The following DDX31 variants were observed in gnomAD, a reference collection of about 807,000 sequenced individuals.
The protein encoded by DDX31 is DEAD-box helicase 31.
In DDX31, 70 loss-of-function variants were observed where a neutral mutation model predicts 91.3. The ratio of observed to expected loss-of-function variants is 0.77; its 90% CI spans 0.63 to 0.94. DDX31 has a LOEUF of 0.94. Among genes scored for constraint, DDX31 ranks in the 40% least tolerant of loss-of-function variants. DDX31 has a pLI of 0.00. For synonymous variants in DDX31, 362 were observed against 350.6 expected, an observed-to-expected ratio of 1.03 and a Z score of -0.36; for missense variants, 902 against 925.0, an observed-to-expected ratio of 0.98 and a Z score of 0.32.
intron 19 of DDX31, among the ~76,000 whole-genome samples, chr9:132,604,800 C>T (rs1027376410): frequency 3.3e-5 from 5 of 152,214 alleles, no homozygotes; most frequent in African/African-American, 7.2e-5. Context: ...CTCTGGTCTT[C>T]CAGCAAGGCC....
In DDX31 at chr9:132,652,503, A is replaced by C; in HGVS notation, c.589-11T>G. 6.2e-7 allele frequency: 1 copy of C among 1,614,024 alleles called. No individual in the cohort carries two copies. Among genetic ancestry groups the C allele is most frequent in the Non-Finnish European group, 8.5e-7 (1 of 1,180,006 alleles). On this transcript the variant is annotated splice_polypyrimidine_tract_variant and intron_variant, in intron 6 of 19. Coordinates refer to ENST00000372159, the MANE Select transcript of DDX31 (RefSeq NM_022779.9). ...GGGGCCATCACTGCGCTGTTGACACACAGAAAAAAAATGCCATGAGCAGGA... is the reference window on the plus strand; with the variant it reads ...GGGGCCATCACTGCGCTGTTGACACCCAGAAAAAAAATGCCATGAGCAGGA...
chr9:132,599,846 C>T lies in DDX31; in HGVS notation c.1995-4734G>A, dbSNP rs950829060. Reference sequence around the variant, plus strand: ...GCTAGGCCCTGAAGGTCTCTGCTGACGACGCAAGTCCCCCACATGGGAAGA... The same window carrying T: ...GCTAGGCCCTGAAGGTCTCTGCTGATGACGCAAGTCCCCCACATGGGAAGA... On this transcript the variant is annotated intron_variant, in intron 19 of 19. Transcript: ENST00000372159. Among the ~76,000 whole-genome samples, 8 of 152,250 alleles carry T rather than the reference C, an allele frequency of 5.3e-5. No homozygotes were observed. The East Asian group carries it at 5.8e-4, about 11-fold the overall frequency.
chr9:132,656,377 A>G (rs1834565675), intron 6 of DDX31, among the ~76,000 whole-genome samples: 1 of 152,222 alleles, frequency 6.6e-6, no homozygotes, highest in Non-Finnish European at 1.5e-5. Context: ...GATTTTTTAA[A>G]ATATTGCAGC....
At chr9:132,609,308 GC>G (rs1383392694) in intron 19 of DDX31, among the ~76,000 whole-genome samples, 1 of 152,104 alleles carries the variant, frequency 6.6e-6, no homozygotes, top group Non-Finnish European at 1.5e-5. Flanking sequence ...CCTAAATAAA[GC>G]CCTGTTAAAT....
chr9:132,611,004 C>A (rs421380), intron 19 of DDX31, among the ~76,000 whole-genome samples: 1 of 152,092 alleles, frequency 6.6e-6, no homozygotes, highest in African/African-American at 2.4e-5. Context: ...GATGGAATAA[C>A]TGACACTTCC....
chr9:132,615,757 C>T (rs534219774), intron 18 of DDX31, among the ~76,000 whole-genome samples: 1 of 152,310 alleles, frequency 6.6e-6, no homozygotes, highest in African/African-American at 2.4e-5. Flanking sequence ...CGTTTTACAA[C>T]TTGAATCCCT....
At position 132,632,077 on chromosome 9, in the gene DDX31, C is replaced by T; in HGVS notation, c.1455G>A (p.Arg485=). The change falls in exon 15 of 20, where the codon CGG becomes CGA. Residue 485 remains arginine (R), a synonymous_variant. Coordinates refer to ENST00000372159, the MANE Select transcript of DDX31 (RefSeq NM_022779.9). ...GVLLCTDVAA[R]GLDLPQVTWI... ...ACGTGACTTGAGGGAGATCTAAGCC[C>T]CGAGCTGCAACATCCTTTAACAAAG... 2 of 1,613,156 alleles carry T rather than the reference C, an allele frequency of 1.2e-6. No homozygotes were observed. The highest frequency in any genetic ancestry group is 1.7e-6 in the Non-Finnish European group (2 of 1,179,472).
At chr9:132,641,932 C>T in intron 14 of DDX31, 72 bp downstream of exon 14, 2 of 1,517,836 alleles carry the variant, frequency 1.3e-6, no homozygotes, top group Non-Finnish European at 1.8e-6. Flanking sequence ...GACAAACTGT[C>T]AAGAGACGAA....
intron 14 of DDX31, chr9:132,638,211 G>A (rs186199937): frequency 1.7e-5 from 25 of 1,513,648 alleles, no homozygotes; most frequent in East Asian, 1.2e-4. Flanking sequence ...GACAGCCACC[G>A]GAGACCAACA....
Position 132,662,523 on chromosome 9 carries a change from G to A in DDX31, c.248C>T (p.Thr83Ile), listed in dbSNP as rs202089452. 112 of 1,614,196 alleles carry A rather than the reference G, an allele frequency of 6.9e-5. No homozygotes were observed. The Admixed American group carries it at 7.7e-4, about 11-fold the overall frequency. ...MFSPKKHSVS[T>I]SDRNQEERQC... ...TCTCTCCTCCTGGTTTCTATCACTT[G>A]TGCTAACCGAATGCTTCTTTGGAGA... Residue 83 changes from threonine (T) to isoleucine (I), a missense_variant, in exon 2 of 20, where the codon ACA (threonine) becomes ATA (isoleucine). Transcript: ENST00000372159.
intron 14 of DDX31, among the ~76,000 whole-genome samples, chr9:132,635,935 A>C (rs569044048): frequency 6.6e-6 from 1 of 151,652 alleles, no homozygotes; most frequent in African/African-American, 2.4e-5. Flanking sequence ...CAAGAGCAAA[A>C]CTCTGTCTCA....
intron 14 of DDX31, among the ~76,000 whole-genome samples, chr9:132,632,321 G>A (rs552976067): frequency 9.1e-6 from 1 of 109,518 alleles, no homozygotes; most frequent in African/African-American, 2.8e-5. Context: ...ACTTCAGGGG[G>A]CTCAGGGACC....
Position 132,593,156 on chromosome 9 carries a change from T to C in DDX31, c.*1710A>G, listed in dbSNP as rs1830275841. On this transcript the variant is annotated 3_prime_UTR_variant, in exon 20 of 20. Transcript: ENST00000372159. ...TGGCAAGAAACCCTCACCATAAGAG[T>C]TAGCAGATTAAGTGTGTAAGTTTTG... 1 of 152,112 alleles carries C rather than the reference T, an allele frequency of 6.6e-6. No homozygotes were observed. The highest frequency in any genetic ancestry group is 1.5e-5 in the Non-Finnish European group (1 of 68,030). 9.4% of individuals were successfully genotyped at this position (152,112 alleles called of 1,614,324 possible).
At chr9:132,656,829 G>C (rs553770817) in intron 6 of DDX31, among the ~76,000 whole-genome samples, 1 of 152,296 alleles carries the variant, frequency 6.6e-6, no homozygotes, top group South Asian at 2.1e-4. Flanking sequence ...CCTGGAGTAC[G>C]TAAGTGGATG....
At position 132,658,728 on chromosome 9, in the gene DDX31, A is replaced by G. The variant is rs766267938; in HGVS notation, c.531T>C (p.Thr177=). 6.2e-7 allele frequency: 1 copy of G among 1,613,642 alleles called. No homozygotes were observed. The highest frequency in any genetic ancestry group is 1.1e-5 in the South Asian group (1 of 90,916). Reference sequence around the variant, plus strand: ...GGACCACAGGGATGCAATAGGCAAGAGTTTTACCTTTCAAAAAAAAAGCAG... The same window carrying G: ...GGACCACAGGGATGCAATAGGCAAGGGTTTTACCTTTCAAAAAAAAAGCAG... The part of the protein sequence containing the change: ...LVRSQTGSGK[T]LAYCIPVVQS... The change falls in exon 6 of 20, where the codon ACT becomes ACC. Residue 177 remains threonine, a synonymous_variant. Coordinates refer to ENST00000372159, the MANE Select transcript of DDX31 (RefSeq NM_022779.9).
intron 19 of DDX31, among the ~76,000 whole-genome samples, 185 bp downstream of exon 19, chr9:132,611,902 C>T (rs116392521): frequency 0.013 from 1,931 of 152,204 alleles, 34 homozygotes; most frequent in African/African-American, 0.044. Context: ...CATTTGGGCC[C>T]AAAAGGAGGC....
chr9:132,623,551 C>CAA (rs34868804), intron 17 of DDX31, among the ~76,000 whole-genome samples: 890 of 66,388 alleles, frequency 0.013, 23 homozygotes, highest in African/African-American at 0.036. Context: ...GACTCCATCT[C>CAA]AAAAAAAAAA....
At chr9:132,606,687 A>T (rs1365281900) in intron 19 of DDX31, among the ~76,000 whole-genome samples, 1 of 152,104 alleles carries the variant, frequency 6.6e-6, no homozygotes, top group Non-Finnish European at 1.5e-5. Context: ...ACGCTGAGTG[A>T]CTTGTCCAGA....
In DDX31 at chr9:132,618,374, T is replaced by C. The variant is rs778456132; in HGVS notation, c.1781A>G (p.Asp594Gly). Residue 594 changes from aspartate (D) to glycine (G), a missense_variant, in exon 18 of 20, where the codon GAT becomes GGT. Physicochemically the swap from Asp to Gly is moderately conservative, Grantham distance 94. Coordinates refer to ENST00000372159, the MANE Select transcript of DDX31 (RefSeq NM_022779.9). ...CCTCCTCTCACTGGAGTGCACGTAATCTTCAAATACCGTCTGCAAGACTGT... is the reference window on the plus strand; with the variant it reads ...CCTCCTCTCACTGGAGTGCACGTAACCTTCAAATACCGTCTGCAAGACTGT... ...RATVLQTVFE[D>G]YVHSSERRVS... 1 of 1,612,344 alleles carries C rather than the reference T, an allele frequency of 6.2e-7. No individual in the cohort carries two copies. The highest frequency in any genetic ancestry group is 2.2e-5 in the East Asian group (1 of 44,818).
Sources: gnomAD v4.1 joint callset for allele counts (sites outside exome capture counted in the v4.1 genomes callset) on GRCh38, gnomAD v4.1.1 for gene constraint, MANE v1.5 for transcripts, NCBI Gene and HGNC (gene_info 2026-07-23, HGNC 2026-07-21) for gene names.